Variants in ABCB6 observed in about 807,000 individuals in gnomAD.
ABCB6 encodes ATP-binding cassette sub-family B member 6.
ABCB6 carries 87 observed loss-of-function variants against 99.4 expected under a neutral mutation model. The observed-to-expected ratio is 0.88, with a 90% CI of 0.74 to 1.05. The LOEUF is 1.05. Ranked by LOEUF, ABCB6 falls within the 50% of genes least tolerant of loss-of-function variation. The pLI, the probability that ABCB6 is intolerant of heterozygous loss-of-function variation, is 0.00. For missense variants in ABCB6, 1,050 were observed against 1,097.9 expected (o/e 0.96, Z 0.62); for synonymous variants, 482 against 447.5 (o/e 1.08, Z -0.97).
chr2:219,212,000 T>G (rs1449071533), intron 14 of ABCB6, among the ~76,000 whole-genome samples: 1 of 152,078 alleles, frequency 6.6e-6, no homozygotes, highest in African/African-American at 2.4e-5. Context: ...CCTGACCTTG[T>G]GATCCGCCCA....
At position 219,213,557 on chromosome 2, in the gene ABCB6, C is replaced by T. The variant is rs200785509; in HGVS notation, c.1655+33G>A. 405 of 1,614,052 alleles carry T rather than the reference C, an allele frequency of 2.5e-4. 1 individual carries two copies. The highest frequency in any genetic ancestry group is 3.0e-4 in the Non-Finnish European group (354 of 1,179,912). On this transcript the variant is annotated intron_variant, in intron 10 of 18. Transcript: ENST00000265316. Reference sequence around the variant, plus strand: ...TGAGTAGCCAGGAAATAATAATGTGCCCTGGACAGGTGAGGGCCAGGGCTC... The same window carrying T: ...TGAGTAGCCAGGAAATAATAATGTGTCCTGGACAGGTGAGGGCCAGGGCTC...
In ABCB6 at chr2:219,217,763, C is replaced by A; in HGVS notation, c.594G>T (p.Gly198=). ...LWVLRYVVSG[G]LFVLGLWAPG... ...GGGCCCAGAGACCCAGGACAAACAG[C>A]CCTCCAGAGACCACATACCGCAGCA... The change falls in exon 2 of 19, where the codon GGG becomes GGT. Residue 198 remains glycine (G), a synonymous_variant. Coordinates refer to ENST00000265316, the MANE Select transcript of ABCB6 (RefSeq NM_005689.4). The A allele has an allele frequency of 6.2e-7, 1 of 1,614,044 alleles. No homozygotes were observed. The highest frequency in any genetic ancestry group is 8.5e-7 in the Non-Finnish European group (1 of 1,179,980).
At chr2:219,212,323 C>G (rs1009712487) in intron 14 of ABCB6, 64 bp downstream of exon 14, 36 of 1,414,170 alleles carry the variant, frequency 2.5e-5, no homozygotes, top group Admixed American at 3.4e-5. Context: ...CTCTGGACAG[C>G]CAGCCCTTAT....
At position 219,216,601 on chromosome 2, in the gene ABCB6, C is replaced by T; in HGVS notation, c.868+51G>A. 6.5e-7 allele frequency: 1 copy of T among 1,540,690 alleles called. No homozygotes were observed. The highest frequency in any genetic ancestry group is 8.8e-7 in the Non-Finnish European group (1 of 1,138,788). On this transcript the variant is annotated intron_variant, in intron 3 of 18. Coordinates refer to ENST00000265316, the MANE Select transcript of ABCB6 (RefSeq NM_005689.4). The surrounding 1 kb of genome is among the most constrained non-coding windows in gnomAD (Gnocchi z 4.2). ...CTCCCTAGGTAAGGACCATCCCAGC[C>T]ACCAGGCTGATGAAGGACCAGCACA...
chr2:219,210,107 C>T, intron 18 of ABCB6, 61 bp from the exon 19 acceptor site: 6 of 1,600,106 alleles, frequency 3.7e-6, no homozygotes, highest in Non-Finnish European at 5.1e-6. Flanking sequence ...GTCCTTGCCA[C>T]CAGCCCACAG....
chr2:219,213,474 C>T lies in ABCB6; in HGVS notation c.1684G>A (p.Glu562Lys). The T allele has an allele frequency of 6.2e-7, 1 of 1,614,220 alleles. No homozygotes were observed. Among genetic ancestry groups the T allele is most frequent in the Middle Eastern group, 1.6e-4 (1 of 6,062 alleles). Residue 562 changes from glutamate to lysine, a missense_variant, in exon 11 of 19, where the codon GAG becomes AAG. Glu to Lys is a moderately conservative substitution (Grantham distance 56). Transcript: ENST00000265316. ...TCTTTCAGCAAGTCAAACATGTTCT[C>T]CATGTCAATGAAGTTGGTCTGGATC... The part of the protein sequence containing the change: ...RMIQTNFIDM[E>K]NMFDLLKEET...
Position 219,210,050 on chromosome 2 carries a change from G to A in ABCB6, c.2421-4C>T, listed in dbSNP as rs1482470809. 6.2e-7 allele frequency: 1 copy of A among 1,613,674 alleles called. No individual in the cohort carries two copies. Among genetic ancestry groups the A allele is most frequent in the African/African-American group, 1.3e-5 (1 of 75,014 alleles). ...TCGGGACAACAGAGCCTCGTGTCTG[G>A]GGTGAGGAGAAAAGTGTGAGTCCTA... On this transcript the variant is annotated splice_region_variant and splice_polypyrimidine_tract_variant and intron_variant, in intron 18 of 18. Transcript: ENST00000265316.
rs922358325 is a variant in ABCB6, at chr2:219,209,962, A to C, written c.2505T>G (p.Thr835=). 1 of 1,614,042 alleles carries C rather than the reference A, an allele frequency of 6.2e-7. No homozygotes were observed. The highest frequency in any genetic ancestry group is 8.5e-7 in the Non-Finnish European group (1 of 1,179,988). The change falls in exon 19 of 19, where the codon ACT becomes ACG. Residue 835 remains threonine, a synonymous_variant. Transcript: ENST00000265316. ...GTCACCGTTCCATGGTCTGAGGCTT[A>C]GTGTCTTCAGAGGTTTCTTCCTGTC... ...QQGQEETSED[T]KPQTMER is the part of the protein sequence containing the mutation.
chr2:219,213,389 C>T (rs1313527504), intron 11 of ABCB6, 50 bp downstream of exon 11: 2 of 1,613,748 alleles, frequency 1.2e-6, no homozygotes. Context: ...GCACGAGAAA[C>T]ACCACACAGC....
chr2:219,215,976 C>T, intron 5 of ABCB6, 21 bp downstream of exon 5: 1 of 1,539,086 alleles, frequency 6.5e-7, no homozygotes. Flanking sequence ...CTCCCACATG[C>T]CCTTTCCACT....
chr2:219,209,932 CTT>C lies in ABCB6; in HGVS notation c.*4_*5del, dbSNP rs753026092. 1.9e-6 allele frequency: 3 copies of C among 1,613,370 alleles called. No homozygotes were observed. In the Admixed American group the frequency reaches 5.0e-5, roughly 27 times the overall value. The stretch of plus-strand genomic sequence containing the variant: ...AGTCTTTGAGAGGGAAGTGGCCAAA[CTT>C]TTGTCACCGTTCCATGGTCTGAGGC... On this transcript the variant is annotated 3_prime_UTR_variant, in exon 19 of 19. Transcript: ENST00000265316.
chr2:219,210,780 GC>G lies in ABCB6; in HGVS notation c.2186del (p.Gly729AlafsTer52), dbSNP rs1193087615. 6.2e-7 allele frequency: 1 copy of G among 1,613,610 alleles called. No homozygotes were observed. The highest frequency in any genetic ancestry group is 8.5e-7 in the Non-Finnish European group (1 of 1,180,012). On this transcript the variant is annotated frameshift_variant, in exon 16 of 19. Transcript: ENST00000265316. LOFTEE classifies it high-confidence loss of function. ...QVGERGLKLS[G>X]GEKQRVAIAR... Reference sequence around the variant, plus strand: ...CAATGGCGACGCGCTGCTTCTCCCCGCCGCTCAGCTTCAGTCCCCGCTCGCC... The same window carrying G: ...CAATGGCGACGCGCTGCTTCTCCCCGCGCTCAGCTTCAGTCCCCGCTCGCC...
At position 219,218,090 on chromosome 2, in the gene ABCB6, A is replaced by G. The variant is rs199926731; in HGVS notation, c.549+35T>C. The G allele has an allele frequency of 8.9e-6, 14 of 1,565,348 alleles. 1 individual carries two copies. The East Asian group carries it at 3.2e-4, about 35-fold the overall frequency. ...GCAGTGCTTTCTCCCAAGCCCGGCC[A>G]GCAGAGGCTTCCCCCTTCCCACAGA... On this transcript the variant is annotated intron_variant, in intron 1 of 18. Transcript: ENST00000265316.
At chr2:219,211,719 C>T (rs893146281) in intron 14 of ABCB6, among the ~76,000 whole-genome samples, 17 of 147,900 alleles carry the variant, frequency 1.1e-4, no homozygotes, top group Non-Finnish European at 2.4e-4. Flanking sequence ...TAGCTCACTA[C>T]AGCCTCCTGG....
chr2:219,217,920 TAAA>T (rs373957284), intron 1 of ABCB6, 113 bp from the exon 2 acceptor site: 2,903 of 1,170,194 alleles, frequency 2.5e-3, no homozygotes, highest in South Asian at 4.2e-3. Context: ...CTTACAGGCT[TAAA>T]AAAAAAAAAA....
In ABCB6 at chr2:219,210,783, G is replaced by T. The variant is rs759130968; in HGVS notation, c.2184C>A (p.Ser728Arg). 2 of 1,613,748 alleles carry T rather than the reference G, an allele frequency of 1.2e-6. No homozygotes were observed. The highest frequency in any genetic ancestry group is 1.1e-5 in the South Asian group (1 of 91,078). ...TQVGERGLKL[S>R]GGEKQRVAIA... is the part of the protein sequence containing the mutation. Reference sequence around the variant, plus strand: ...TGGCGACGCGCTGCTTCTCCCCGCCGCTCAGCTTCAGTCCCCGCTCGCCCA... The same window carrying T: ...TGGCGACGCGCTGCTTCTCCCCGCCTCTCAGCTTCAGTCCCCGCTCGCCCA... The change falls in exon 16 of 19, where the codon AGC becomes AGA. Residue 728 changes from serine to arginine, a missense_variant. Physicochemically the swap from Ser to Arg is moderately radical, Grantham distance 110. Coordinates refer to ENST00000265316, the MANE Select transcript of ABCB6 (RefSeq NM_005689.4).
rs139080728 is a variant in ABCB6, at chr2:219,218,328, G to A, written c.346C>T (p.Leu116=). The change falls in exon 1 of 19, where the codon CTG becomes TTG. Residue 116 remains leucine, a synonymous_variant. Coordinates refer to ENST00000265316, the MANE Select transcript of ABCB6 (RefSeq NM_005689.4). ...YLLLASVLES[L]AGACGLWLLV... ...AGCCACAGGCCACAGGCGCCGGCCAGACTCTCCAGCACGGAGGCCAGAAGT... is the reference window on the plus strand; with the variant it reads ...AGCCACAGGCCACAGGCGCCGGCCAAACTCTCCAGCACGGAGGCCAGAAGT... 2 of 1,613,174 alleles carry A rather than the reference G, an allele frequency of 1.2e-6. No individual in the cohort carries two copies. The highest frequency in any genetic ancestry group is 2.7e-5 in the African/African-American group (2 of 74,964).
At chr2:219,214,536 A>G (rs1445244895) in intron 6 of ABCB6, 38 bp from the exon 7 acceptor site, 4 of 1,466,296 alleles carry the variant, frequency 2.7e-6, no homozygotes, top group Middle Eastern at 1.7e-4. Flanking sequence ...ATAGGACATC[A>G]TCCCCAAAAG....
Position 219,209,836 on chromosome 2 carries a change from C to A in ABCB6, c.*102G>T, listed in dbSNP as rs980103316. The stretch of plus-strand genomic sequence containing the variant: ...GAAAGGTCCCTTTCCCTTACCATAG[C>A]TAGCACCATACCCCAAGACCAGGAT... On this transcript the variant is annotated 3_prime_UTR_variant, in exon 19 of 19. Coordinates refer to ENST00000265316, the MANE Select transcript of ABCB6 (RefSeq NM_005689.4). 5 of 922,336 alleles carry A rather than the reference C, an allele frequency of 5.4e-6. No homozygotes were observed. Among genetic ancestry groups the A allele is most frequent in the African/African-American group, 3.3e-5 (2 of 61,272 alleles). The allele number at this position is 922,336 out of a possible 1,614,324, so 57.1% of individuals were successfully genotyped here.
Sources: allele counts gnomAD v4.1 joint callset (sites outside exome capture counted in the v4.1 genomes callset), GRCh38; gene constraint gnomAD v4.1.1; non-coding constraint Gnocchi (gnomAD v3.1); transcripts MANE v1.5; gene names NCBI Gene and HGNC (gene_info 2026-07-23, HGNC 2026-07-21).